The following NME7 variants were observed in gnomAD, a reference collection of about 807,000 sequenced individuals.
The protein encoded by NME7 is NME/NM23 family member 7.
A neutral mutation model predicts 49.1 loss-of-function variants in NME7; 41 were observed. That is an observed-to-expected ratio of 0.83 (90% CI 0.65 to 1.08). The LOEUF (loss-of-function observed/expected upper bound fraction) is 1.08. Ranked by LOEUF, NME7 falls within the 50% of genes least tolerant of loss-of-function variation. The pLI, the probability that NME7 is intolerant of heterozygous loss-of-function variation, is 0.00. For synonymous variants in NME7, 139 were observed against 150.6 expected (o/e 0.92, Z 0.56); for missense variants, 423 against 463.4 (o/e 0.91, Z 0.80).
intron 7 of NME7, among the ~76,000 whole-genome samples, chr1:169,254,852 G>A (rs1454069292): frequency 7.7e-6 from 1 of 129,976 alleles, no homozygotes; most frequent in Non-Finnish European, 1.7e-5. Context: ...AGGTTGTTCA[G>A]TTTCCATGTA....
intron 10 of NME7, among the ~76,000 whole-genome samples, chr1:169,178,933 G>C (rs2101745581): frequency 6.7e-6 from 1 of 149,120 alleles, no homozygotes; most frequent in East Asian, 2.0e-4. Context: ...CAATTCTCCT[G>C]CCTCAGTCTC....
chr1:169,265,706 T>A (rs1341126919), intron 7 of NME7, among the ~76,000 whole-genome samples: 3 of 127,376 alleles, frequency 2.4e-5, no homozygotes, highest in Admixed American at 1.5e-4. Context: ...TTTTTTTTTT[T>A]AAAGTAAGAT....
chr1:169,171,662 C>T (rs1221402617), intron 10 of NME7, among the ~76,000 whole-genome samples: 1 of 151,752 alleles, frequency 6.6e-6, no homozygotes, highest in African/African-American at 2.4e-5. Context: ...ACTTGGGGGG[C>T]TGAGGCAGAA....
At chr1:169,342,820 ATATATATATACAAGTACATATATATATAG>A (rs1557831606) in intron 1 of NME7, among the ~76,000 whole-genome samples, 5 of 72,706 alleles carry the variant, frequency 6.9e-5, no homozygotes, top group Admixed American at 2.0e-4. Flanking sequence ...TATATATAGT[ATATATATATACAAGTACATATATATATAG>A]TATATATATA....
chr1:169,240,663 T>C (rs528550087), intron 7 of NME7, among the ~76,000 whole-genome samples: 9 of 152,152 alleles, frequency 5.9e-5, no homozygotes, highest in African/African-American at 2.2e-4. Flanking sequence ...CATTAATCAT[T>C]TGGCAAATAC....
chr1:169,280,858 C>G (rs1649981011), intron 7 of NME7, among the ~76,000 whole-genome samples: 1 of 151,006 alleles, frequency 6.6e-6, no homozygotes, highest in South Asian at 2.1e-4. Flanking sequence ...GTTACTGTAG[C>G]CTTGTAGTAT....
At chr1:169,154,644 G>A (rs899333125) in intron 11 of NME7, among the ~76,000 whole-genome samples, 10 of 151,796 alleles carry the variant, frequency 6.6e-5, no homozygotes, top group Admixed American at 4.6e-4. Flanking sequence ...CTAAAAACAT[G>A]AAAATTAGAT....
At chr1:169,326,644 A>AAAAGGTTTATTAC (rs1178397466) in intron 1 of NME7, among the ~76,000 whole-genome samples, 1 of 152,206 alleles carries the variant, frequency 6.6e-6, no homozygotes, top group Admixed American at 6.5e-5. Context: ...CCTCTGTGGG[A>AAAAGGTTTATTAC]AAAGGTTTAT....
intron 1 of NME7, among the ~76,000 whole-genome samples, chr1:169,352,486 A>G (rs1033605236): frequency 3.3e-5 from 5 of 152,154 alleles, no homozygotes; most frequent in Admixed American, 6.6e-5. Context: ...ATGAAAGGGG[A>G]AAAACTGAAA....
At chr1:169,192,958 C>T (rs899212968) in intron 10 of NME7, among the ~76,000 whole-genome samples, 1 of 152,000 alleles carries the variant, frequency 6.6e-6, no homozygotes, top group African/African-American at 2.4e-5. Flanking sequence ...ATAGTCAATT[C>T]CTGAAATATA....
In NME7 at chr1:169,274,593, GT is replaced by G. The variant is rs1394953239; in HGVS notation, c.754+12709del. Among the ~76,000 whole-genome samples, 7 of 133,478 alleles carry G rather than the reference GT, an allele frequency of 5.2e-5. 2 individuals are homozygous for G. The highest frequency in any genetic ancestry group is 8.8e-5 in the Non-Finnish European group (5 of 56,822). 87.6% of individuals were successfully genotyped at this position (133,478 alleles called of 152,430 possible). A position where few individuals can be genotyped will look rare whatever the true frequency, so the allele number is the denominator to read the frequency against. On this transcript the variant is annotated intron_variant, in intron 7 of 11. Coordinates refer to ENST00000367811, the MANE Select transcript of NME7 (RefSeq NM_013330.5). ...TAGGTTTTCTTCTAGGGTTTTTATG[GT>G]TTTAGGTCTAACGTTTAAGTCTTTA...
At position 169,275,183 on chromosome 1, in the gene NME7, G is replaced by T. The variant is rs553976989; in HGVS notation, c.754+12120C>A. 1.1e-3 allele frequency among the ~76,000 whole-genome samples: 141 copies of T among 131,462 alleles called. 10 individuals carry two copies. Among genetic ancestry groups the T allele is most frequent in the African/African-American group, 3.5e-3 (138 of 39,052 alleles). The allele number at this position is 131,462 out of a possible 152,430, so 86.2% of individuals were successfully genotyped here. A position where few individuals can be genotyped will look rare whatever the true frequency, so the allele number is the denominator to read the frequency against. On this transcript the variant is annotated intron_variant, in intron 7 of 11. Coordinates refer to ENST00000367811, the MANE Select transcript of NME7 (RefSeq NM_013330.5). ...AGTTCTCCTTGAAGAGGTCCTTCAC[G>T]TCCCTTATAAGTCGGATTCCTACGT...
At chr1:169,354,762 A>G (rs1287297131) in intron 1 of NME7, among the ~76,000 whole-genome samples, 4 of 141,480 alleles carry the variant, frequency 2.8e-5, no homozygotes, top group Non-Finnish European at 4.6e-5. Context: ...GGGTGTGTAT[A>G]TATGTTTTAT....
At chr1:169,200,117 G>A (rs1383389664) in intron 10 of NME7, among the ~76,000 whole-genome samples, 1 of 151,722 alleles carries the variant, frequency 6.6e-6, no homozygotes, top group Non-Finnish European at 1.5e-5. Context: ...TTCTTCAAGG[G>A]GCTTATGGTC....
At position 169,356,000 on chromosome 1, in the gene NME7, C is replaced by T. The variant is rs563601668; in HGVS notation, c.3+11708G>A. ...TTGACCCATAATTCTAGATTTTTCTCTAGAGGTGAACAGCCCTTGATCAAA... is the reference window on the plus strand; with the variant it reads ...TTGACCCATAATTCTAGATTTTTCTTTAGAGGTGAACAGCCCTTGATCAAA... On this transcript the variant is annotated intron_variant, in intron 1 of 11. Coordinates refer to ENST00000367811, the MANE Select transcript of NME7 (RefSeq NM_013330.5). Among the ~76,000 whole-genome samples the T allele has an allele frequency of 1.3e-4, 20 of 152,248 alleles. 1 individual carries two copies. In the South Asian group the frequency reaches 4.1e-3, roughly 32 times the overall value.
At chr1:169,232,171 A>T (rs1261546570) in intron 9 of NME7, among the ~76,000 whole-genome samples, 1 of 152,182 alleles carries the variant, frequency 6.6e-6, no homozygotes, top group Non-Finnish European at 1.5e-5. Flanking sequence ...AATCTAAGAC[A>T]TCTAAATTTA....
intron 1 of NME7, among the ~76,000 whole-genome samples, chr1:169,347,905 G>C (rs140429912): frequency 0.02 from 3,018 of 152,196 alleles, 50 homozygotes; most frequent in Non-Finnish European, 0.03. Flanking sequence ...AACCAAAATG[G>C]TTCCATTTTT....
intron 3 of NME7, among the ~76,000 whole-genome samples, chr1:169,314,472 A>G (rs1327843285): frequency 6.6e-6 from 1 of 152,110 alleles, no homozygotes; most frequent in African/African-American, 2.4e-5. Context: ...AAAAATCCTC[A>G]AGCAATCCGA....
chr1:169,253,701 G>T (rs376965313), intron 7 of NME7, among the ~76,000 whole-genome samples: 1 of 152,146 alleles, frequency 6.6e-6, no homozygotes, highest in Non-Finnish European at 1.5e-5. Flanking sequence ...CTGTGGGTTT[G>T]TCATAGATAG....
Sources: gnomAD v4.1 joint callset for allele counts (sites outside exome capture counted in the v4.1 genomes callset) on GRCh38, gnomAD v4.1.1 for gene constraint, MANE v1.5 for transcripts, NCBI Gene and HGNC (gene_info 2026-07-23, HGNC 2026-07-21) for gene names.